The following LMF1 variants were observed in gnomAD, a reference collection of about 807,000 sequenced individuals.
LMF1 encodes the protein transmembrane protein 112.
LMF1 carries 68 observed loss-of-function variants against 60.6 expected under a neutral mutation model. The ratio of observed to expected loss-of-function variants is 1.12; its 90% CI spans 0.92 to 1.37. The LOEUF is 1.37. LMF1 is among the 40% of genes most tolerant of loss of function. LMF1 has a pLI of 0.00. For missense variants in LMF1, 948 were observed against 767.2 expected, an observed-to-expected ratio of 1.24 and a Z score of -2.78; for synonymous variants, 418 against 324.7, an observed-to-expected ratio of 1.29 and a Z score of -3.09.
chr16:970,210 C>T (rs1017336322), intron 1 of LMF1, among the ~76,000 whole-genome samples: 5 of 152,260 alleles, frequency 3.3e-5, no homozygotes, highest in African/African-American at 1.2e-4. Context: ...TTCCCTCAGC[C>T]CCTGGGAGAC....
intron 2 of LMF1, chr16:947,615 C>A (rs1035713630): frequency 2.4e-5 from 11 of 455,844 alleles, no homozygotes; most frequent in Non-Finnish European, 4.9e-5. Context: ...GGTGTCCTGA[C>A]TTTGGTCCAA....
chr16:865,846 T>C (rs972109353), intron 10 of LMF1, among the ~76,000 whole-genome samples: 34 of 152,320 alleles, frequency 2.2e-4, no homozygotes, highest in African/African-American at 7.7e-4. Context: ...TCCCCGTCTA[T>C]GTCCTCTCAC....
intron 8 of LMF1, 85 bp downstream of exon 8, chr16:870,644 A>G (rs2069755455): frequency 6.6e-7 from 1 of 1,504,626 alleles, no homozygotes; most frequent in Admixed American, 1.7e-5. Flanking sequence ...GGGGGCCTGC[A>G]CTGTAACCCC....
intron 3 of LMF1, chr16:921,276 G>C (rs2071422874): frequency 6.6e-6 from 1 of 152,280 alleles, no homozygotes; most frequent in Admixed American, 6.5e-5. Flanking sequence ...GGGGCATTCT[G>C]TTCCCCTTTT....
chr16:859,169 C>G (rs1448724825), intron 10 of LMF1, among the ~76,000 whole-genome samples: 3 of 74,942 alleles, frequency 4.0e-5, no homozygotes, highest in Admixed American at 1.6e-4. Context: ...TGTCTCGGGA[C>G]GGGTGTGAGT....
At position 879,606 on chromosome 16, in the gene LMF1, C is replaced by A. The variant is rs61740409; in HGVS notation, c.861G>T (p.Ala287=). ...TCTGCAGCACCCCGTGGATGATGCACGCCCGCCGGCCGAGGAAGAGGAAGA... is the reference window on the plus strand; with the variant it reads ...TCTGCAGCACCCCGTGGATGATGCAAGCCCGCCGGCCGAGGAAGAGGAAGA... ...VPFFLFLGRR[A]CIIHGVLQIL... is the part of the protein sequence containing the mutation. Residue 287 remains alanine, a synonymous_variant, in exon 6 of 11, where the codon GCG becomes GCT. Transcript: ENST00000262301. 13 of 1,612,928 alleles carry A rather than the reference C, an allele frequency of 8.1e-6. No individual in the cohort carries two copies. The African/African-American group carries it at 1.2e-4, about 15-fold the overall frequency.
chr16:895,438 C>G (rs57581492), intron 4 of LMF1, among the ~76,000 whole-genome samples: 56,816 of 152,098 alleles, frequency 0.37, 11,864 homozygotes, highest in African/African-American at 0.54. Flanking sequence ...CAACCACACA[C>G]GGGAGGGCCT....
intron 5 of LMF1, among the ~76,000 whole-genome samples, chr16:888,124 A>G (rs1477446323): frequency 6.6e-6 from 1 of 152,204 alleles, no homozygotes; most frequent in African/African-American, 2.4e-5. Flanking sequence ...GCCCAAGCTC[A>G]CAGACAGGCC....
At chr16:951,388 A>G (rs961431283) in intron 2 of LMF1, among the ~76,000 whole-genome samples, 1 of 152,230 alleles carries the variant, frequency 6.6e-6, no homozygotes, top group Admixed American at 6.5e-5. Context: ...AATGTTCTGG[A>G]AAAGCTGAAG....
chr16:972,627 G>C (rs934320770), upstream of LMF1, among the ~76,000 whole-genome samples: 1 of 152,220 alleles, frequency 6.6e-6, no homozygotes, highest in East Asian at 1.9e-4. Flanking sequence ...GAGAGGGACT[G>C]CCCTGCGTCA....
upstream of LMF1, chr16:975,741 A>C (rs1012495583): frequency 7.7e-5 from 34 of 443,976 alleles, no homozygotes; most frequent in Admixed American, 4.4e-4. Flanking sequence ...CAGAAAAATA[A>C]ATACTTGGGA....
At chr16:875,790 C>T (rs1430309002) in intron 6 of LMF1, among the ~76,000 whole-genome samples, 1 of 152,192 alleles carries the variant, frequency 6.6e-6, no homozygotes, top group Non-Finnish European at 1.5e-5. Context: ...GTGTTCTCCA[C>T]CGGCAGGGGC....
chr16:966,039 TGGGTGG>T (rs2072915946), intron 1 of LMF1, among the ~76,000 whole-genome samples: 1 of 151,748 alleles, frequency 6.6e-6, no homozygotes, highest in Non-Finnish European at 1.5e-5. Context: ...TGGTCAGCCC[TGGGTGG>T]GGTCAGGAGT....
intron 1 of LMF1, among the ~76,000 whole-genome samples, chr16:977,394 G>A (rs1267984576): frequency 6.6e-6 from 1 of 152,188 alleles, no homozygotes; most frequent in African/African-American, 2.4e-5. Flanking sequence ...GTCCGGGGGC[G>A]GGGCCTTTCC....
At chr16:873,196 TGCACGGCCTGAGC>T (rs1343552969) in intron 6 of LMF1, 1 of 152,216 alleles carries the variant, frequency 6.6e-6, no homozygotes, top group African/African-American at 2.4e-5. Context: ...CCGCGTAGAG[TGCACGGCCTGAGC>T]GCTCCTGGGG....
chr16:886,460 C>G (rs867716424), intron 5 of LMF1, among the ~76,000 whole-genome samples: 1 of 152,104 alleles, frequency 6.6e-6, no homozygotes, highest in Non-Finnish European at 1.5e-5. Context: ...GGGCACGGGC[C>G]TGGGGCTTTG....
Position 868,848 on chromosome 16 carries a change from C to T in LMF1, c.1529+96G>A, listed in dbSNP as rs556671036. 2.1e-4 allele frequency: 168 copies of T among 814,426 alleles called. No individual in the cohort carries two copies. The South Asian group carries it at 2.1e-3, about 10-fold the overall frequency. The allele number at this position is 814,426 out of a possible 1,614,324, so 50.4% of individuals were successfully genotyped here. A position where few individuals can be genotyped will look rare whatever the true frequency, so the allele number is the denominator to read the frequency against. On this transcript the variant is annotated intron_variant, in intron 10 of 10. Transcript: ENST00000262301. ...TCTGCGGGAGGGAAGGGGCGCTTCCCGTGAGCAGGTGGGGGTGCAGGTACA... is the reference window on the plus strand; with the variant it reads ...TCTGCGGGAGGGAAGGGGCGCTTCCTGTGAGCAGGTGGGGGTGCAGGTACA...
chr16:887,627 G>A (rs1741204280), intron 5 of LMF1, among the ~76,000 whole-genome samples: 1 of 152,192 alleles, frequency 6.6e-6, no homozygotes, highest in African/African-American at 2.4e-5. Context: ...TGGGAGCCCA[G>A]CCCAGAGAGG....
intron 3 of LMF1, among the ~76,000 whole-genome samples, chr16:928,193 T>C (rs1372072834): frequency 1.3e-5 from 2 of 152,176 alleles, no homozygotes; most frequent in African/African-American, 2.4e-5. Flanking sequence ...ACCCGCTACG[T>C]GGATGGGCCC....
Sources: allele counts gnomAD v4.1 joint callset (sites outside exome capture counted in the v4.1 genomes callset), GRCh38; gene constraint gnomAD v4.1.1; transcripts MANE v1.5; gene names NCBI Gene and HGNC (gene_info 2026-07-23, HGNC 2026-07-21).